The following RBMS3 variants were observed in gnomAD, a reference collection of about 807,000 sequenced individuals.
RBMS3 encodes the protein RNA binding motif single stranded interacting protein 3, also known as RNA-binding motif, single-stranded-interacting protein 3.
RBMS3 carries 27 observed loss-of-function variants against 66.8 expected under a neutral mutation model. That is an observed-to-expected ratio of 0.40 (90% CI 0.30 to 0.56). The LOEUF is 0.56. Among genes scored for constraint, RBMS3 ranks in the 20% least tolerant of loss-of-function variants. The probability of loss-of-function intolerance (pLI) is 0.40; values close to 1 mark genes in which losing one functional copy is unlikely to be tolerated. For synonymous variants in RBMS3, 188 were observed against 183.0 expected (o/e 1.03, Z -0.22); for missense variants, 513 against 549.5 (o/e 0.93, Z 0.66).
chr3:29,451,489 G>GTGTC (rs1377125137), intron 2 of RBMS3, among the ~76,000 whole-genome samples: 1 of 152,142 alleles, frequency 6.6e-6, no homozygotes, highest in Admixed American at 6.6e-5. Flanking sequence ...CAGCATCTTA[G>GTGTC]TGTCTCCCTA....
At chr3:29,388,110 CAT>C (rs57875909) in intron 1 of RBMS3, among the ~76,000 whole-genome samples, 10,675 of 86,770 alleles carry the variant, frequency 0.12, 1,227 homozygotes, top group African/African-American at 0.37. Context: ...CACACACACA[CAT>C]GTGTGTGTAT....
intron 12 of RBMS3, among the ~76,000 whole-genome samples, chr3:29,976,908 G>C (rs1171892506): frequency 6.6e-6 from 1 of 151,988 alleles, no homozygotes; most frequent in Non-Finnish European, 1.5e-5. Context: ...ACTCAACTCT[G>C]ACAAATCGTA....
chr3:29,750,589 G>T (rs967856572), intron 5 of RBMS3, among the ~76,000 whole-genome samples: 1 of 152,050 alleles, frequency 6.6e-6, no homozygotes, highest in Non-Finnish European at 1.5e-5. Flanking sequence ...CACATGTGCA[G>T]GTTCGTTATA....
chr3:29,585,111 T>C (rs2047467663), intron 3 of RBMS3, among the ~76,000 whole-genome samples: 1 of 152,134 alleles, frequency 6.6e-6, no homozygotes, highest in African/African-American at 2.4e-5. Flanking sequence ...CCCACCACTA[T>C]ATACCCTTTG....
At chr3:29,678,962 T>C (rs1324352353) in intron 4 of RBMS3, among the ~76,000 whole-genome samples, 3 of 152,190 alleles carry the variant, frequency 2.0e-5, no homozygotes, top group Non-Finnish European at 4.4e-5. Flanking sequence ...ACAGGTATCT[T>C]ACATTATTTC....
chr3:29,968,207 G>A (rs994875664), intron 12 of RBMS3, among the ~76,000 whole-genome samples: 7 of 150,778 alleles, frequency 4.6e-5, no homozygotes, highest in East Asian at 1.9e-4. Context: ...GCCTGCCCCC[G>A]TAACAGTCTG....
At chr3:29,643,220 G>A (rs924813186) in intron 4 of RBMS3, among the ~76,000 whole-genome samples, 1 of 152,100 alleles carries the variant, frequency 6.6e-6, no homozygotes, top group African/African-American at 2.4e-5. Flanking sequence ...AGTCAGGGAA[G>A]AGCGCTACCA....
intron 6 of RBMS3, among the ~76,000 whole-genome samples, chr3:29,796,271 C>A (rs1444697368): frequency 1.3e-5 from 2 of 152,138 alleles, no homozygotes; most frequent in Non-Finnish European, 2.9e-5. Flanking sequence ...CCCCCATGCT[C>A]CACTTCTAAT....
intron 5 of RBMS3, among the ~76,000 whole-genome samples, chr3:29,740,445 G>T (rs2054585874): frequency 6.6e-6 from 1 of 151,162 alleles, no homozygotes; most frequent in African/African-American, 2.4e-5. Context: ...GGCAGAACAG[G>T]GGAAAAAAAA....
chr3:29,593,632 T>A (rs1433669823), intron 4 of RBMS3, among the ~76,000 whole-genome samples: 1 of 152,192 alleles, frequency 6.6e-6, no homozygotes, highest in African/African-American at 2.4e-5. Context: ...GATCAAAGGA[T>A]CAGAAATCCC....
intron 3 of RBMS3, among the ~76,000 whole-genome samples, chr3:29,580,713 G>T (rs1044103498): frequency 6.7e-6 from 1 of 148,990 alleles, no homozygotes; most frequent in African/African-American, 2.5e-5. Flanking sequence ...AATAATAAAA[G>T]GAAGATCTCA....
chr3:29,808,652 A>C (rs2149454133), intron 6 of RBMS3, among the ~76,000 whole-genome samples: 1 of 152,132 alleles, frequency 6.6e-6, no homozygotes, highest in South Asian at 2.1e-4. Flanking sequence ...TGGGCTAAAT[A>C]ATTTAACGTC....
At chr3:29,334,664 G>A (rs4346513) in intron 1 of RBMS3, among the ~76,000 whole-genome samples, 147,926 of 152,270 alleles carry the variant, frequency 0.97, 71,880 homozygotes, top group African/African-American at 0.99. Flanking sequence ...TGCTCCTGCA[G>A]TTGTGAATTT....
chr3:29,995,028 A>G (rs1699125983), intron 14 of RBMS3, among the ~76,000 whole-genome samples: 1 of 152,224 alleles, frequency 6.6e-6, no homozygotes, highest in Non-Finnish European at 1.5e-5. Flanking sequence ...ACTTTGAAAC[A>G]AATTTAGAAG....
chr3:29,292,798 A>G (rs143261301), intron 1 of RBMS3, among the ~76,000 whole-genome samples: 6 of 152,016 alleles, frequency 3.9e-5, no homozygotes, highest in East Asian at 1.9e-4. Flanking sequence ...TCAGGGCTCA[A>G]TGTACTTTTG....
chr3:29,980,497 A>C (rs184658497), intron 12 of RBMS3, among the ~76,000 whole-genome samples: 180 of 152,230 alleles, frequency 1.2e-3, no homozygotes, highest in Non-Finnish European at 1.9e-3. Flanking sequence ...TTAGTCTTGA[A>C]GTCTTTGCCT....
chr3:29,544,783 AT>A (rs2045887306), intron 3 of RBMS3, among the ~76,000 whole-genome samples: 1 of 152,074 alleles, frequency 6.6e-6, no homozygotes, highest in South Asian at 2.1e-4. Flanking sequence ...CATTTTCTGT[AT>A]ATTTAAGAAT....
chr3:29,949,885 T>C (rs962595261), intron 12 of RBMS3, among the ~76,000 whole-genome samples: 1 of 151,836 alleles, frequency 6.6e-6, no homozygotes, highest in African/African-American at 2.4e-5. Flanking sequence ...CCTATACTTT[T>C]AGAAATTTAG....
At position 29,339,087 on chromosome 3, in the gene RBMS3, C is replaced by G. The variant is rs75827855; in HGVS notation, c.75+57331C>G. Reference sequence around the variant, plus strand: ...CTAACTCTTGTTGGCCTCTCACCCCCACCTGTGGTATCCCCTGACAGGGCT... The same window carrying G: ...CTAACTCTTGTTGGCCTCTCACCCCGACCTGTGGTATCCCCTGACAGGGCT... On this transcript the variant is annotated intron_variant, in intron 1 of 14. Transcript: ENST00000383767. 2.3e-3 allele frequency among the ~76,000 whole-genome samples: 350 copies of G among 152,280 alleles called. 3 individuals are homozygous for G. The highest frequency in any genetic ancestry group is 7.8e-3 in the African/African-American group (324 of 41,570).
Sources: gnomAD v4.1 joint callset for allele counts (sites outside exome capture counted in the v4.1 genomes callset) on GRCh38, gnomAD v4.1.1 for gene constraint, MANE v1.5 for transcripts, NCBI Gene and HGNC (gene_info 2026-07-23, HGNC 2026-07-21) for gene names.